Variants in SLC24A2 observed in about 807,000 individuals in gnomAD.
The protein encoded by SLC24A2 is solute carrier family 24 member 2, also known as sodium/potassium/calcium exchanger 2.
In SLC24A2, 36 loss-of-function variants were observed where a neutral mutation model predicts 62.0. That is an observed-to-expected ratio of 0.58 (90% CI 0.44 to 0.77). SLC24A2 has a LOEUF of 0.77. SLC24A2 is among the 30% of genes least tolerant of loss of function. The pLI is 0.00. For synonymous variants in SLC24A2, 358 were observed against 294.0 expected (o/e 1.22, Z -2.23); for missense variants, 846 against 817.9 (o/e 1.03, Z -0.42).
the SLC24A2 span, among the ~76,000 whole-genome samples, chr9:19,937,885 C>T: frequency 3.7e-3 from 560 of 152,110 alleles, 6 homozygotes; most frequent in African/African-American, 0.013. Context: ...GATAATATTG[C>T]ACAGAAAGTC....
chr9:19,703,621 T>G (rs1820420917), intron 2 of SLC24A2, among the ~76,000 whole-genome samples: 1 of 152,106 alleles, frequency 6.6e-6, no homozygotes, highest in Admixed American at 6.5e-5. Context: ...GAAGCAAGAT[T>G]AAAACTCTTG....
At chr9:19,768,759 G>A (rs111760994) in intron 2 of SLC24A2, among the ~76,000 whole-genome samples, 2 of 152,266 alleles carry the variant, frequency 1.3e-5, no homozygotes, top group Admixed American at 6.5e-5. Flanking sequence ...GTGGTTGACC[G>A]TGGGTAATTG....
the SLC24A2 span, among the ~76,000 whole-genome samples, chr9:19,951,320 A>T: frequency 2.6e-5 from 4 of 151,322 alleles, no homozygotes; most frequent in Admixed American, 2.0e-4. Context: ...CATTTTCTTA[A>T]CAGTGTCTTT....
intron 2 of SLC24A2, among the ~76,000 whole-genome samples, chr9:19,785,229 C>T (rs532366305): frequency 2.6e-5 from 4 of 152,296 alleles, no homozygotes; most frequent in Admixed American, 6.5e-5. Flanking sequence ...AGGATGGCCA[C>T]GATTGTTATT....
rs571843115 is a variant in SLC24A2, at chr9:19,608,150, G to A, written c.1079-10871C>T. On this transcript the variant is annotated intron_variant, in intron 4 of 10. Coordinates refer to ENST00000341998, the MANE Select transcript of SLC24A2 (RefSeq NM_020344.4). ...TCATTTGCCTATTCATTTACCAGGCGGAGGCTGCACGCAAACATCTTGGTA... is the reference window on the plus strand; with the variant it reads ...TCATTTGCCTATTCATTTACCAGGCAGAGGCTGCACGCAAACATCTTGGTA... Among the ~76,000 whole-genome samples, 12 of 152,208 alleles carry A rather than the reference G, an allele frequency of 7.9e-5. 1 individual carries two copies. The highest frequency in any genetic ancestry group is 1.9e-4 in the East Asian group (1 of 5,186).
chr9:20,145,167 A>G, the SLC24A2 span, among the ~76,000 whole-genome samples: 16 of 152,296 alleles, frequency 1.1e-4, no homozygotes, highest in African/African-American at 2.9e-4. Flanking sequence ...CTCAAGAGGC[A>G]GTCAGGGAGC....
chr9:19,571,636 T>C (rs1230900421), intron 7 of SLC24A2, among the ~76,000 whole-genome samples: 1 of 152,192 alleles, frequency 6.6e-6, no homozygotes, highest in African/African-American at 2.4e-5. Flanking sequence ...AAATTCAGAA[T>C]GTGAATTTTA....
chr9:20,168,879 G>T, the SLC24A2 span, among the ~76,000 whole-genome samples: 2 of 151,942 alleles, frequency 1.3e-5, no homozygotes, highest in South Asian at 4.1e-4. Flanking sequence ...TGAAACCAGG[G>T]ATTCAAACAG....
chr9:20,113,698 A>G, the SLC24A2 span, among the ~76,000 whole-genome samples: 1 of 152,096 alleles, frequency 6.6e-6, no homozygotes, highest in African/African-American at 2.4e-5. Flanking sequence ...ATGTGTATCC[A>G]TTATATTAAA....
chr9:19,657,380 T>C (rs1054901607), intron 2 of SLC24A2, among the ~76,000 whole-genome samples: 7 of 152,184 alleles, frequency 4.6e-5, no homozygotes, highest in Admixed American at 3.3e-4. Context: ...TTCATGTTTT[T>C]ATTTTTTATT....
chr9:19,737,744 T>G (rs981202313), intron 2 of SLC24A2, among the ~76,000 whole-genome samples: 2 of 152,092 alleles, frequency 1.3e-5, no homozygotes, highest in Non-Finnish European at 2.9e-5. Context: ...AATAAATTAC[T>G]GAGTTTCAAA....
chr9:19,892,889 A>G, the SLC24A2 span, among the ~76,000 whole-genome samples: 1 of 152,158 alleles, frequency 6.6e-6, no homozygotes, highest in Non-Finnish European at 1.5e-5. Context: ...CCAAGGGCTG[A>G]AAATCTGCCT....
chr9:19,994,585 T>G, the SLC24A2 span, among the ~76,000 whole-genome samples: 2 of 152,174 alleles, frequency 1.3e-5, no homozygotes, highest in African/African-American at 2.4e-5. Flanking sequence ...TGTTGAAGCA[T>G]CACTTACCAC....
the SLC24A2 span, among the ~76,000 whole-genome samples, chr9:20,171,956 T>C: frequency 1.3e-5 from 2 of 152,068 alleles, no homozygotes; most frequent in East Asian, 1.9e-4. Flanking sequence ...ATAGACCATA[T>C]GATAGGCCAC....
At chr9:20,259,317 A>C in the SLC24A2 span, among the ~76,000 whole-genome samples, 20 of 152,212 alleles carry the variant, frequency 1.3e-4, no homozygotes, top group Non-Finnish European at 2.6e-4. Context: ...TTGTTGCATC[A>C]GCAATAGAAA....
At chr9:19,845,325 G>T in the SLC24A2 span, among the ~76,000 whole-genome samples, 15,726 of 152,084 alleles carry the variant, frequency 0.1, 1,170 homozygotes, top group African/African-American at 0.21. Flanking sequence ...TTAAAAGTTA[G>T]TGGTGTGTGG....
chr9:20,007,654 C>A, the SLC24A2 span, among the ~76,000 whole-genome samples: 3 of 151,970 alleles, frequency 2.0e-5, no homozygotes, highest in Non-Finnish European at 4.4e-5. Flanking sequence ...TTTCACTAAT[C>A]ACTCTTCTCA....
chr9:19,582,508 C>A (rs1005789250), intron 5 of SLC24A2, among the ~76,000 whole-genome samples: 11 of 152,086 alleles, frequency 7.2e-5, no homozygotes, highest in Non-Finnish European at 1.0e-4. Context: ...GTGAACAGAC[C>A]ATGGCTTGGG....
chr9:20,010,225 C>T, the SLC24A2 span, among the ~76,000 whole-genome samples: 2 of 152,148 alleles, frequency 1.3e-5, no homozygotes, highest in Non-Finnish European at 2.9e-5. Flanking sequence ...CATCCACAAT[C>T]CCAGGCTAGA....
Sources: gnomAD v4.1 joint callset for allele counts (sites outside exome capture counted in the v4.1 genomes callset) on GRCh38, gnomAD v4.1.1 for gene constraint, MANE v1.5 for transcripts, NCBI Gene and HGNC (gene_info 2026-07-23, HGNC 2026-07-21) for gene names.